Variants in GPC6 observed in about 807,000 individuals in gnomAD.
The protein encoded by GPC6 is glypican 6.
In GPC6, 14 loss-of-function variants were observed where a neutral mutation model predicts 55.2. That is an observed-to-expected ratio of 0.25 (90% confidence interval 0.17 to 0.40). The LOEUF (loss-of-function observed/expected upper bound fraction) is 0.40. GPC6 is among the 10% of genes least tolerant of loss of function. GPC6 has a pLI of 1.00. For synonymous variants in GPC6, 278 were observed against 259.6 expected (o/e 1.07, Z -0.68); for missense variants, 641 against 708.5 (o/e 0.90, Z 1.08).
rs28708676 is a variant in GPC6, at chr13:93,640,816, T to C, written c.319+95395T>C. The stretch of plus-strand genomic sequence containing the variant: ...TCCTCCTTCCTTCCTTCCTTCCTTC[T>C]TTCCTTCCTTCCTTTGTTCCTTCCT... On this transcript the variant is annotated intron_variant, in intron 2 of 8. Transcript: ENST00000377047. Among the ~76,000 whole-genome samples, 257 of 58,428 alleles carry C rather than the reference T, an allele frequency of 4.4e-3. 2 individuals are homozygous for C. The highest frequency in any genetic ancestry group is 0.011 in the African/African-American group (233 of 21,238). The allele number at this position is 58,428 out of a possible 152,430, so 38.3% of individuals were successfully genotyped here.
chr13:93,260,693 A>C (rs1877115078), intron 1 of GPC6, among the ~76,000 whole-genome samples: 1 of 152,122 alleles, frequency 6.6e-6, no homozygotes, highest in South Asian at 2.1e-4. Context: ...ATTTTATTAT[A>C]GACTTGGCCA....
rs150372969 is a variant in GPC6 at position 94,395,012 on chromosome 13, A to G, written c.1290-3454A>G. ...ACAAAGCTCGCCTCTGACTCAGCAT[A>G]GGTACAACTGCAGGAGTCATTTCCC... On this transcript the variant is annotated intron_variant, in intron 7 of 8. Transcript: ENST00000377047. Among the ~76,000 whole-genome samples, 961 of 152,298 alleles carry G rather than the reference A, an allele frequency of 6.3e-3. 8 individuals carry two copies. Among genetic ancestry groups the G allele is most frequent in the African/African-American group, 0.022 (914 of 41,552 alleles).
At chr13:93,384,018 T>G (rs542216317) in intron 1 of GPC6, among the ~76,000 whole-genome samples, 1 of 152,164 alleles carries the variant, frequency 6.6e-6, no homozygotes. Context: ...CTCTCACTTA[T>G]TAAAGGCTTG....
chr13:93,551,246 T>G (rs1335453097), intron 2 of GPC6, among the ~76,000 whole-genome samples: 1 of 152,226 alleles, frequency 6.6e-6, no homozygotes. Context: ...AGCATATATC[T>G]GTTAGATAGA....
chr13:94,135,286 T>A (rs1046811226), intron 4 of GPC6, among the ~76,000 whole-genome samples: 1 of 151,838 alleles, frequency 6.6e-6, no homozygotes, highest in African/African-American at 2.4e-5. Flanking sequence ...GCAGACTGAA[T>A]TAATTATATC....
chr13:94,319,783 T>G (rs1876722798), intron 6 of GPC6, among the ~76,000 whole-genome samples: 1 of 152,232 alleles, frequency 6.6e-6, no homozygotes, highest in Admixed American at 6.5e-5. Context: ...AATCTGTATT[T>G]TCTTTCAAGC....
intron 4 of GPC6, among the ~76,000 whole-genome samples, chr13:94,081,442 A>G (rs1252611417): frequency 6.6e-6 from 1 of 152,212 alleles, no homozygotes. Context: ...TATAACAACA[A>G]TGGCTTTGTT....
At chr13:94,082,669 C>T (rs1351874916) in intron 4 of GPC6, among the ~76,000 whole-genome samples, 1 of 152,182 alleles carries the variant, frequency 6.6e-6, no homozygotes. Context: ...TGCCTTTTCT[C>T]ACATTTTACA....
At chr13:94,365,278 A>G (rs546296590) in intron 6 of GPC6, among the ~76,000 whole-genome samples, 1 of 152,304 alleles carries the variant, frequency 6.6e-6, no homozygotes, top group African/African-American at 2.4e-5. Flanking sequence ...CATTTGAGTA[A>G]GAGTTCATAG....
At chr13:93,514,076 G>A (rs1881090500) in intron 1 of GPC6, among the ~76,000 whole-genome samples, 1 of 151,922 alleles carries the variant, frequency 6.6e-6, no homozygotes, top group African/African-American at 2.4e-5. Context: ...GTTTCACCGT[G>A]TTGGCCAGGC....
At chr13:94,269,229 A>T (rs1891914660) in intron 4 of GPC6, among the ~76,000 whole-genome samples, 1 of 152,068 alleles carries the variant, frequency 6.6e-6, no homozygotes, top group South Asian at 2.1e-4. Context: ...ATATATCTAT[A>T]CCTTCATCTT....
chr13:94,251,331 T>C (rs1891341482), intron 4 of GPC6, among the ~76,000 whole-genome samples: 1 of 151,654 alleles, frequency 6.6e-6, no homozygotes, highest in African/African-American at 2.4e-5. Context: ...GGGAGAGCAT[T>C]AGGACAAATA....
intron 4 of GPC6, among the ~76,000 whole-genome samples, chr13:94,236,042 T>G (rs1433826637): frequency 7.9e-5 from 12 of 152,166 alleles, no homozygotes; most frequent in Non-Finnish European, 1.0e-4. Context: ...CCTGGCTGCT[T>G]CTTATTAAAC....
At chr13:94,301,590 A>G (rs1315237455) in intron 5 of GPC6, among the ~76,000 whole-genome samples, 3 of 152,194 alleles carry the variant, frequency 2.0e-5, no homozygotes, top group African/African-American at 7.2e-5. Context: ...TCTGCCTTAC[A>G]TATTGTACTT....
At chr13:93,349,296 T>C (rs562150126) in intron 1 of GPC6, among the ~76,000 whole-genome samples, 1 of 152,118 alleles carries the variant, frequency 6.6e-6, no homozygotes, top group Non-Finnish European at 1.5e-5. Context: ...AGTTGTATCA[T>C]TGATGACATG....
chr13:93,471,543 C>A (rs1161402261), intron 1 of GPC6, among the ~76,000 whole-genome samples: 2 of 151,918 alleles, frequency 1.3e-5, no homozygotes, highest in African/African-American at 4.8e-5. Context: ...AGCAAATTTT[C>A]TCCTATATTT....
At chr13:94,189,158 G>A (rs539553359) in intron 4 of GPC6, among the ~76,000 whole-genome samples, 3 of 152,254 alleles carry the variant, frequency 2.0e-5, no homozygotes, top group Non-Finnish European at 4.4e-5. Context: ...TTCTCAGGTG[G>A]TGGCGGATGT....
At chr13:93,930,132 C>A (rs1878084081) in intron 3 of GPC6, among the ~76,000 whole-genome samples, 1 of 152,060 alleles carries the variant, frequency 6.6e-6, no homozygotes, top group South Asian at 2.1e-4. Flanking sequence ...GGGAAAGTTC[C>A]TAGGGACTGG....
At chr13:94,181,172 G>A (rs928800261) in intron 4 of GPC6, among the ~76,000 whole-genome samples, 3 of 152,100 alleles carry the variant, frequency 2.0e-5, no homozygotes, top group Non-Finnish European at 4.4e-5. Context: ...AGCATGCAGG[G>A]GTGGAGACCT....
Sources: gnomAD v4.1 joint callset for allele counts (sites outside exome capture counted in the v4.1 genomes callset) on GRCh38, gnomAD v4.1.1 for gene constraint, MANE v1.5 for transcripts, NCBI Gene and HGNC (gene_info 2026-07-23, HGNC 2026-07-21) for gene names.